Variants in ROBO2 observed in about 807,000 individuals in gnomAD.
The protein encoded by ROBO2 is roundabout homolog 2.
In ROBO2, 53 loss-of-function variants were observed where a neutral mutation model predicts 160.8. That is an observed-to-expected ratio of 0.33 (90% CI 0.26 to 0.41). The LOEUF is 0.41. Among genes scored for constraint, ROBO2 ranks in the 10% least tolerant of loss-of-function variants. The pLI, the probability that ROBO2 is intolerant of heterozygous loss-of-function variation, is 1.00. For synonymous variants in ROBO2, 664 were observed against 611.7 expected (o/e 1.09, Z -1.26); for missense variants, 1,577 against 1,722.4 (o/e 0.92, Z 1.49).
intron 2 of ROBO2, among the ~76,000 whole-genome samples, chr3:76,535,123 A>G (rs982099808): frequency 2.0e-5 from 3 of 152,036 alleles, no homozygotes; most frequent in Non-Finnish European, 2.9e-5. Context: ...TTGGTAAAGA[A>G]GGCTTCTTTG....
At chr3:75,926,463 T>C (rs915805522) in intron 1 of ROBO2, among the ~76,000 whole-genome samples, 14 of 152,316 alleles carry the variant, frequency 9.2e-5, no homozygotes, top group African/African-American at 3.4e-4. Flanking sequence ...GATTCACAAA[T>C]TGAAATTATT....
intron 2 of ROBO2, among the ~76,000 whole-genome samples, chr3:76,814,151 T>C (rs2065456465): frequency 1.3e-5 from 2 of 152,122 alleles, no homozygotes; most frequent in African/African-American, 4.8e-5. Flanking sequence ...ATAAAGAGCA[T>C]TCCCAAGCAA....
chr3:76,813,044 C>A (rs1214408256), intron 2 of ROBO2, among the ~76,000 whole-genome samples: 2 of 149,600 alleles, frequency 1.3e-5, no homozygotes, highest in Non-Finnish European at 3.0e-5. Context: ...ACTTACTGAG[C>A]AAGCTTTGGA....
intron 2 of ROBO2, among the ~76,000 whole-genome samples, chr3:76,997,999 C>T (rs188890152): frequency 6.6e-6 from 1 of 152,210 alleles, no homozygotes; most frequent in East Asian, 1.9e-4. Flanking sequence ...AACATAAATC[C>T]TCTTGAGTCA....
intron 2 of ROBO2, among the ~76,000 whole-genome samples, chr3:76,594,042 A>G (rs1234087892): frequency 6.6e-6 from 1 of 152,082 alleles, no homozygotes; most frequent in African/African-American, 2.4e-5. Context: ...ACATTTTATC[A>G]GAAATCTTAC....
chr3:76,600,716 T>C (rs149868663), intron 2 of ROBO2, among the ~76,000 whole-genome samples: 18,638 of 152,150 alleles, frequency 0.12, 1,492 homozygotes, highest in East Asian at 0.28. Flanking sequence ...CAATTCAAGA[T>C]GAAATTTGGG....
At chr3:77,519,522 CTAG>C (rs2153625413) in intron 5 of ROBO2, among the ~76,000 whole-genome samples, 1 of 151,320 alleles carries the variant, frequency 6.6e-6, no homozygotes, top group South Asian at 2.1e-4. Flanking sequence ...TCTCTTTCCT[CTAG>C]TAGTCCACAG....
intron 2 of ROBO2, among the ~76,000 whole-genome samples, chr3:76,074,807 T>A (rs1245010426): frequency 1.3e-5 from 2 of 152,126 alleles, no homozygotes; most frequent in Admixed American, 6.5e-5. Flanking sequence ...ATATGGCCCT[T>A]CAAAGTATAT....
intron 2 of ROBO2, among the ~76,000 whole-genome samples, chr3:77,246,158 T>C (rs566156754): frequency 3.0e-4 from 45 of 152,332 alleles, no homozygotes; most frequent in Non-Finnish European, 5.4e-4. Flanking sequence ...TAGGACTTCC[T>C]GCCTCATGGG....
chr3:76,323,447 T>C (rs930979794), intron 2 of ROBO2, among the ~76,000 whole-genome samples: 2 of 152,194 alleles, frequency 1.3e-5, no homozygotes, highest in Admixed American at 6.5e-5. Flanking sequence ...CACTGTTCAT[T>C]ACCTCAACAA....
Position 77,632,577 on chromosome 3 carries a change from C to A in ROBO2, c.3761-2293C>A, listed in dbSNP as rs553805908. 9 of 1,535,578 alleles carry A rather than the reference C, an allele frequency of 5.9e-6. No homozygotes were observed. The South Asian group carries it at 5.9e-5, about 10-fold the overall frequency. On this transcript the variant is annotated intron_variant, in intron 23 of 25. Coordinates refer to ENST00000461745, the Ensembl canonical transcript of ROBO2. The stretch of plus-strand genomic sequence containing the variant: ...CCTCAGATGGCTCTATCTTTGCCAG[C>A]GGCAGTTTTGCACAAGCACTGGTGG...
At chr3:76,910,363 C>T (rs950012943) in intron 2 of ROBO2, among the ~76,000 whole-genome samples, 1 of 151,752 alleles carries the variant, frequency 6.6e-6, no homozygotes, top group Non-Finnish European at 1.5e-5. Context: ...TTTTTATACA[C>T]TTATGAAATG....
At chr3:76,399,055 A>T (rs545348911) in intron 2 of ROBO2, among the ~76,000 whole-genome samples, 1 of 152,002 alleles carries the variant, frequency 6.6e-6, no homozygotes, top group South Asian at 2.1e-4. Context: ...AGCATGTAGT[A>T]TATACAATAA....
At chr3:76,989,927 A>T (rs1429703059) in intron 2 of ROBO2, among the ~76,000 whole-genome samples, 2 of 152,104 alleles carry the variant, frequency 1.3e-5, no homozygotes, top group Non-Finnish European at 2.9e-5. Context: ...AAGGTTGATT[A>T]TTCACTTTTG....
chr3:76,483,558 T>C (rs568106124), intron 2 of ROBO2, among the ~76,000 whole-genome samples: 288 of 152,296 alleles, frequency 1.9e-3, no homozygotes, highest in Non-Finnish European at 2.9e-3. Flanking sequence ...ATATTATCTC[T>C]ACCAGAATGT....
chr3:76,487,667 G>A (rs138718196), intron 2 of ROBO2, among the ~76,000 whole-genome samples: 1 of 152,298 alleles, frequency 6.6e-6, no homozygotes, highest in Non-Finnish European at 1.5e-5. Context: ...CTAGAAGCCT[G>A]CACTCTAGGT....
At chr3:77,372,171 G>C (rs9855541) in intron 2 of ROBO2, among the ~76,000 whole-genome samples, 61,553 of 151,660 alleles carry the variant, frequency 0.41, 13,220 homozygotes, top group East Asian at 0.71. Flanking sequence ...AGAGAGTGAA[G>C]ATGTGAGAGA....
At chr3:76,585,665 A>C (rs2085989432) in intron 2 of ROBO2, among the ~76,000 whole-genome samples, 1 of 152,192 alleles carries the variant, frequency 6.6e-6, no homozygotes, top group East Asian at 1.9e-4. Flanking sequence ...GTTGTTATTA[A>C]GAAGGGAAGG....
intron 2 of ROBO2, among the ~76,000 whole-genome samples, chr3:76,138,684 C>T (rs2071519934): frequency 6.6e-6 from 1 of 152,060 alleles, no homozygotes; most frequent in African/African-American, 2.4e-5. Context: ...ATAGTATCTA[C>T]TACTTGTCCA....
Sources: allele counts gnomAD v4.1 joint callset (sites outside exome capture counted in the v4.1 genomes callset), GRCh38; gene constraint gnomAD v4.1.1; transcripts MANE v1.5; gene names NCBI Gene and HGNC (gene_info 2026-07-23, HGNC 2026-07-21).